Variants in TESC observed in about 807,000 individuals in gnomAD.
The protein encoded by TESC is tescalcin.
A neutral mutation model predicts 31.0 loss-of-function variants in TESC; 19 were observed. The observed-to-expected ratio is 0.61, with a 90% confidence interval of 0.43 to 0.90. The LOEUF is 0.90. Among genes scored for constraint, TESC ranks in the 40% least tolerant of loss-of-function variants. The pLI is 0.00. For missense variants in TESC, 248 were observed against 303.8 expected, an observed-to-expected ratio of 0.82 and a Z score of 1.36; for synonymous variants, 109 against 114.8, an observed-to-expected ratio of 0.95 and a Z score of 0.32.
chr12:117,050,789 G>C (rs1954637573), intron 3 of TESC, among the ~76,000 whole-genome samples: 1 of 152,186 alleles, frequency 6.6e-6, no homozygotes, highest in Non-Finnish European at 1.5e-5. Context: ...GATGGGTGCG[G>C]TGGTGTGCAC....
chr12:117,099,344 G>A lies in TESC; in HGVS notation c.-62C>T. The stretch of plus-strand genomic sequence containing the variant: ...CTCAGGCCCCGCACTGGCTTCGGCT[G>A]CGCAGCGGCGGGACTGGCCTCGGGT... On this transcript the variant is annotated 5_prime_UTR_variant, in exon 1 of 8. Transcript: ENST00000335209. 1.5e-6 allele frequency: 2 copies of A among 1,347,354 alleles called. No individual in the cohort carries two copies. The highest frequency in any genetic ancestry group is 9.5e-7 in the Non-Finnish European group (1 of 1,050,636). 83.5% of individuals were successfully genotyped at this position (1,347,354 alleles called of 1,614,324 possible).
chr12:117,046,727 G>C lies in TESC; in HGVS notation c.411+50C>G, dbSNP rs766991882. On this transcript the variant is annotated intron_variant, in intron 5 of 7. Transcript: ENST00000335209. ...GCCTCCATCAGGGTCGTGGGGGGCAGAGGGGGAAGGCACCAGGAGCCCCGG... is the reference window on the plus strand; with the variant it reads ...GCCTCCATCAGGGTCGTGGGGGGCACAGGGGGAAGGCACCAGGAGCCCCGG... 4.0e-5 allele frequency: 62 copies of C among 1,553,670 alleles called. No individual in the cohort carries two copies. The East Asian group carries it at 1.1e-3, about 27-fold the overall frequency.
At chr12:117,054,433 C>T (rs1326610973) in intron 3 of TESC, among the ~76,000 whole-genome samples, 2 of 152,120 alleles carry the variant, frequency 1.3e-5, no homozygotes, top group African/African-American at 2.4e-5. Context: ...CCACACTGGC[C>T]TCTCTCTGGT....
chr12:117,055,396 G>A (rs566239549), intron 3 of TESC, among the ~76,000 whole-genome samples: 35 of 152,206 alleles, frequency 2.3e-4, no homozygotes, highest in Middle Eastern at 6.8e-3. Context: ...GCCGGCCTCG[G>A]CCTCCCAAAG....
At chr12:117,049,261 G>A in intron 3 of TESC, 103 bp from the exon 4 acceptor site, 1 of 1,501,890 alleles carries the variant, frequency 6.7e-7, no homozygotes, top group Non-Finnish European at 9.1e-7. Context: ...GTGCACACTG[G>A]ACCCACGATG....
intron 2 of TESC, among the ~76,000 whole-genome samples, chr12:117,072,072 G>A (rs1410146520): frequency 6.6e-6 from 1 of 152,160 alleles, no homozygotes; most frequent in African/African-American, 2.4e-5. Context: ...GGGGTGCTAG[G>A]CAATGCATCA....
At chr12:117,083,572 G>A (rs1955177791) in intron 1 of TESC, among the ~76,000 whole-genome samples, 1 of 152,202 alleles carries the variant, frequency 6.6e-6, no homozygotes, top group Non-Finnish European at 1.5e-5. Flanking sequence ...AAGAAATGAA[G>A]CATTGGTAAA....
At chr12:117,099,077 GA>G in intron 1 of TESC, 147 bp downstream of exon 1, 2 of 802,450 alleles carry the variant, frequency 2.5e-6, no homozygotes, top group East Asian at 3.5e-5. Flanking sequence ...GGCCAGCGGG[GA>G]CCCATTTGAA....
chr12:117,048,887 G>A, intron 4 of TESC, 132 bp downstream of exon 4: 1 of 1,405,068 alleles, frequency 7.1e-7, no homozygotes, highest in Middle Eastern at 1.8e-4. Context: ...GAGGGCTGGT[G>A]GCCCCAAGCC....
intron 1 of TESC, among the ~76,000 whole-genome samples, chr12:117,082,582 G>A (rs1231042932): frequency 1.3e-5 from 2 of 151,982 alleles, no homozygotes; most frequent in Non-Finnish European, 2.9e-5. Flanking sequence ...CCTGAAGTCA[G>A]AATACTACAC....
intron 2 of TESC, among the ~76,000 whole-genome samples, chr12:117,073,423 G>A (rs1205829099): frequency 6.6e-6 from 1 of 152,150 alleles, no homozygotes; most frequent in African/African-American, 2.4e-5. Context: ...GGCCTTGGAT[G>A]CAATCAAACT....
intron 1 of TESC, among the ~76,000 whole-genome samples, chr12:117,092,260 C>A (rs745606019): frequency 3.9e-5 from 6 of 152,144 alleles, no homozygotes; most frequent in Non-Finnish European, 8.8e-5. Flanking sequence ...CGAAGTGGCA[C>A]AGGACGGCTC....
At chr12:117,045,128 G>C (rs1954539285) in intron 6 of TESC, among the ~76,000 whole-genome samples, 2 of 152,340 alleles carry the variant, frequency 1.3e-5, no homozygotes, top group South Asian at 4.1e-4. Flanking sequence ...GTTTACACCA[G>C]AAGGTATTTT....
chr12:117,063,320 C>T (rs956251751), intron 2 of TESC, among the ~76,000 whole-genome samples: 3 of 152,066 alleles, frequency 2.0e-5, no homozygotes, highest in Non-Finnish European at 4.4e-5. Flanking sequence ...AGAGAAAGAG[C>T]GAGGCATCTG....
At chr12:117,073,331 G>C (rs1466003607) in intron 2 of TESC, among the ~76,000 whole-genome samples, 3 of 152,154 alleles carry the variant, frequency 2.0e-5, no homozygotes, top group African/African-American at 7.2e-5. Flanking sequence ...TCTTCCGCTG[G>C]GCTCAGGTTC....
chr12:117,073,212 T>G (rs892279749), intron 2 of TESC, among the ~76,000 whole-genome samples: 1 of 152,132 alleles, frequency 6.6e-6, no homozygotes, highest in African/African-American at 2.4e-5. Context: ...CCAGGCCCCA[T>G]GCCCTTATAG....
At chr12:117,057,247 C>T (rs561861394) in intron 2 of TESC, among the ~76,000 whole-genome samples, 16 of 152,044 alleles carry the variant, frequency 1.1e-4, no homozygotes, top group African/African-American at 3.1e-4. Context: ...GACAGATGCA[C>T]GCCGCCATGC....
intron 1 of TESC, among the ~76,000 whole-genome samples, chr12:117,075,798 G>C (rs375927733): frequency 1.1e-3 from 160 of 144,274 alleles, no homozygotes; most frequent in African/African-American, 3.9e-3. Context: ...CTGGGTAGCT[G>C]CAACTACAGG....
At chr12:117,073,544 T>C (rs1358417619) in intron 2 of TESC, among the ~76,000 whole-genome samples, 1 of 152,186 alleles carries the variant, frequency 6.6e-6, no homozygotes, top group Non-Finnish European at 1.5e-5. Flanking sequence ...CAAGAGAAAG[T>C]GGACATTTAT....
Sources: gnomAD v4.1 joint callset for allele counts (sites outside exome capture counted in the v4.1 genomes callset) on GRCh38, gnomAD v4.1.1 for gene constraint, MANE v1.5 for transcripts, NCBI Gene and HGNC (gene_info 2026-07-23, HGNC 2026-07-21) for gene names.